Variants in UBA6 observed in about 807,000 individuals in gnomAD.
UBA6 encodes the protein ubiquitin-like modifier-activating enzyme 6.
In UBA6, 87 loss-of-function variants were observed where a neutral mutation model predicts 148.3. The observed-to-expected ratio is 0.59, with a 90% CI of 0.49 to 0.70. The LOEUF (loss-of-function observed/expected upper bound fraction) is 0.70. Ranked by LOEUF, UBA6 falls within the 30% of genes least tolerant of loss-of-function variation. UBA6 has a pLI of 0.00. For missense variants in UBA6, 1,186 were observed against 1,241.2 expected, an observed-to-expected ratio of 0.96 and a Z score of 0.67; for synonymous variants, 376 against 401.0, an observed-to-expected ratio of 0.94 and a Z score of 0.75.
At position 67,616,202 on chromosome 4, in the gene UBA6, A is replaced by C; in HGVS notation, c.*2795T>G. On this transcript the variant is annotated 3_prime_UTR_variant, in exon 33 of 33. Coordinates refer to ENST00000322244, the MANE Select transcript of UBA6 (RefSeq NM_018227.6). ...AAAGCATTCAGATTATATGTTTTTGAATCTATGAAAAGTAAAATCGCTAAA... is the reference window on the plus strand; with the variant it reads ...AAAGCATTCAGATTATATGTTTTTGCATCTATGAAAAGTAAAATCGCTAAA... 1 of 396,356 alleles carries C rather than the reference A, an allele frequency of 2.5e-6. No homozygotes were observed. Among genetic ancestry groups the C allele is most frequent in the Non-Finnish European group, 4.5e-6 (1 of 224,682 alleles). The allele number at this position is 396,356 out of a possible 1,614,324, so 24.6% of individuals were successfully genotyped here. A position where few individuals can be genotyped will look rare whatever the true frequency, so the allele number is the denominator to read the frequency against.
chr4:67,661,210 G>A (rs1729846939), intron 13 of UBA6, among the ~76,000 whole-genome samples: 1 of 152,148 alleles, frequency 6.6e-6, no homozygotes, highest in South Asian at 2.1e-4. Flanking sequence ...TTGGAAAGGT[G>A]TGACTGTGTT....
In UBA6 at chr4:67,634,395, T is replaced by C. The variant is rs377574187; in HGVS notation, c.1932+34A>G. 3.4e-4 allele frequency: 531 copies of C among 1,558,338 alleles called. No homozygotes were observed. The highest frequency in any genetic ancestry group is 4.4e-4 in the Non-Finnish European group (509 of 1,158,448). On this transcript the variant is annotated intron_variant, in intron 21 of 32. Coordinates refer to ENST00000322244, the MANE Select transcript of UBA6 (RefSeq NM_018227.6). ...AAGTCAGAAATATCTTCTTTCTCAC[T>C]TCAAAGAAAATAAATTTAAAAAGGA...
In UBA6 at chr4:67,639,177, A is replaced by G; in HGVS notation, c.1555-53T>C. 4 of 1,398,282 alleles carry G rather than the reference A, an allele frequency of 2.9e-6. No homozygotes were observed. The East Asian group carries it at 9.3e-5, about 32-fold the overall frequency. The allele number at this position is 1,398,282 out of a possible 1,614,324, so 86.6% of individuals were successfully genotyped here. On this transcript the variant is annotated intron_variant, in intron 18 of 32. Coordinates refer to ENST00000322244, the MANE Select transcript of UBA6 (RefSeq NM_018227.6). ...TATGTTAAACAACAAAAAAAGGACT[A>G]TGATTTTTCTATATATTCCAGAGTG...
chr4:67,663,708 C>T (rs1729920120), intron 11 of UBA6, 177 bp downstream of exon 11: 4 of 479,722 alleles, frequency 8.3e-6, no homozygotes, highest in Non-Finnish European at 1.5e-5. Context: ...GACAAATTCA[C>T]ATTTTTAATC....
Position 67,622,830 on chromosome 4 carries a change from C to G in UBA6, c.3023+1G>C. 6.2e-7 allele frequency: 1 copy of G among 1,603,718 alleles called. No homozygotes were observed. On this transcript the variant is annotated splice_donor_variant, in intron 32 of 32. Coordinates refer to ENST00000322244, the MANE Select transcript of UBA6 (RefSeq NM_018227.6). LOFTEE classifies it high-confidence loss of function. ...CGCTGCATATAATGTTGAATACTTA[C>G]GTTAACTTCAATCTTTTTGCATGAC...
Position 67,646,019 on chromosome 4 carries a change from GA to G in UBA6, c.1317-4del, listed in dbSNP as rs747303770. The G allele has an allele frequency of 5.2e-6, 8 of 1,536,796 alleles. No individual in the cohort carries two copies. The highest frequency in any genetic ancestry group is 2.5e-5 in the South Asian group (2 of 78,892). ...TTAAGGCATCATATCTATCTCCTCT[GA>G]AAAAAATAACATATACCAAAAAGCA... On this transcript the variant is annotated splice_region_variant and splice_polypyrimidine_tract_variant and intron_variant, in intron 15 of 32. Coordinates refer to ENST00000322244, the MANE Select transcript of UBA6 (RefSeq NM_018227.6).
chr4:67,698,616 C>T (rs1730896445), intron 1 of UBA6, among the ~76,000 whole-genome samples: 1 of 152,168 alleles, frequency 6.6e-6, no homozygotes, highest in Non-Finnish European at 1.5e-5. Context: ...GACTACCACA[C>T]ATACTGCCTA....
Position 67,634,421 on chromosome 4 carries a change from A to G in UBA6, c.1932+8T>C, listed in dbSNP as rs1264195258. The G allele has an allele frequency of 3.2e-6, 5 of 1,571,538 alleles. No individual in the cohort carries two copies. Among genetic ancestry groups the G allele is most frequent in the South Asian group, 1.2e-5 (1 of 82,376 alleles). The stretch of plus-strand genomic sequence containing the variant: ...TCAAAGAAAATAAATTTAAAAAGGA[A>G]CTTTTACCTTATCTCTTGCCCACTG... On this transcript the variant is annotated splice_region_variant and intron_variant, in intron 21 of 32. Transcript: ENST00000322244.
rs144115948 is a variant in UBA6 at position 67,623,169 on chromosome 4, T to C, written c.2894A>G (p.Asp965Gly). 1 of 1,613,036 alleles carries C rather than the reference T, an allele frequency of 6.2e-7. No homozygotes were observed. Among genetic ancestry groups the C allele is most frequent in the African/African-American group, 1.3e-5 (1 of 75,006 alleles). ...WDRWTVHGKE[D>G]FTLLDFINAV... ...ATTTATGAAATCCAAGAGGGTGAAATCTTCTTTTCCATGTACGGTCCATCG... is the reference window on the plus strand; with the variant it reads ...ATTTATGAAATCCAAGAGGGTGAAACCTTCTTTTCCATGTACGGTCCATCG... The change falls in exon 31 of 33, where the codon GAT becomes GGT. Residue 965 changes from aspartate to glycine, a missense_variant. Coordinates refer to ENST00000322244, the MANE Select transcript of UBA6 (RefSeq NM_018227.6).
intron 19 of UBA6, 94 bp from the exon 20 acceptor site, chr4:67,635,652 A>G: frequency 1.4e-6 from 1 of 711,240 alleles, no homozygotes; most frequent in Non-Finnish European, 2.5e-6. Context: ...CATTTCACAT[A>G]CTGATCACTT....
rs773915194 is a variant in UBA6 at position 67,670,573 on chromosome 4, T to C, written c.566A>G (p.His189Arg). ...ACAAAATAACCTTGACCAAATTCCATGTACATCTGCACTGATAAACTGTAA... is the reference window on the plus strand; with the variant it reads ...ACAAAATAACCTTGACCAAATTCCACGTACATCTGCACTGATAAACTGTAA... The part of the protein sequence containing the change: ...PPIKFISADV[H>R]GIWSRLFCDF... Residue 189 changes from histidine to arginine, a missense_variant, in exon 8 of 33, where the codon CAT (histidine) becomes CGT (arginine). By Grantham distance (29) the His-to-Arg change is conservative. Transcript: ENST00000322244. The C allele has an allele frequency of 6.8e-5, 109 of 1,611,796 alleles. No individual in the cohort carries two copies. Among genetic ancestry groups the C allele is most frequent in the Non-Finnish European group, 8.7e-5 (103 of 1,178,252 alleles).
chr4:67,619,150 G>C lies in UBA6; in HGVS notation c.3024-18C>G. The C allele has an allele frequency of 6.4e-7, 1 of 1,568,890 alleles. No homozygotes were observed. The highest frequency in any genetic ancestry group is 8.7e-7 in the Non-Finnish European group (1 of 1,145,638). ...TATGCATTCTAAGAAAAATAAGCAA[G>C]AATGAATACTTTGGTAAATTCTATA... is the stretch of plus-strand genomic sequence containing the variant. On this transcript the variant is annotated intron_variant, in intron 32 of 32. Transcript: ENST00000322244.
At chr4:67,675,476 A>G (rs1405112827) in intron 6 of UBA6, among the ~76,000 whole-genome samples, 1 of 152,198 alleles carries the variant, frequency 6.6e-6, no homozygotes, top group African/African-American at 2.4e-5. Flanking sequence ...CACACCTATA[A>G]TCCCAGCACT....
chr4:67,626,228 T>C (rs1577788828), intron 28 of UBA6, 132 bp downstream of exon 28: 2 of 649,298 alleles, frequency 3.1e-6, no homozygotes, highest in East Asian at 2.8e-5. Context: ...GACTTTAATA[T>C]GATCATGAAA....
chr4:67,639,400 A>G (rs1435883426), intron 18 of UBA6, among the ~76,000 whole-genome samples: 1 of 152,146 alleles, frequency 6.6e-6, no homozygotes, highest in East Asian at 1.9e-4. Context: ...TACAGTTCTT[A>G]AAAAAAGTTA....
Position 67,701,072 on chromosome 4 carries a change from G to C in UBA6, c.48C>G (p.Ser16=). 6.2e-7 allele frequency: 1 copy of C among 1,613,814 alleles called. No homozygotes were observed. The highest frequency in any genetic ancestry group is 8.5e-7 in the Non-Finnish European group (1 of 1,179,786). Residue 16 remains serine (S), a synonymous_variant, in exon 1 of 33, where the codon TCC becomes TCG. Transcript: ENST00000322244. ...ACCTGCCAGTCCCCCAGGAAGAACA[G>C]GACGCCTCTTCCCCCTGATGGGCGG... ...PVAAHQGEEA[S]CSSWGTGSTN...
At chr4:67,661,333 T>G (rs1450070052) in intron 13 of UBA6, among the ~76,000 whole-genome samples, 2 of 152,146 alleles carry the variant, frequency 1.3e-5, no homozygotes, top group African/African-American at 4.8e-5. Flanking sequence ...TTGCCACATG[T>G]CAAGGGCAGG....
At chr4:67,619,822 T>C (rs1728711979) in intron 32 of UBA6, among the ~76,000 whole-genome samples, 1 of 152,220 alleles carries the variant, frequency 6.6e-6, no homozygotes, top group Non-Finnish European at 1.5e-5. Flanking sequence ...CACTCTTTGC[T>C]ATAGCCACTA....
In UBA6 at chr4:67,665,339, T is replaced by C. The variant is rs111777096; in HGVS notation, c.794-47A>G. The stretch of plus-strand genomic sequence containing the variant: ...AAATCATTACACAGGGATATAGATA[T>C]TTAAATTTCAACTCTTATTGTCATA... On this transcript the variant is annotated intron_variant, in intron 9 of 32. Coordinates refer to ENST00000322244, the MANE Select transcript of UBA6 (RefSeq NM_018227.6). 628 of 1,175,484 alleles carry C rather than the reference T, an allele frequency of 5.3e-4. No homozygotes were observed. In the African/African-American group the frequency reaches 8.7e-3, roughly 16 times the overall value. 72.8% of individuals were successfully genotyped at this position (1,175,484 alleles called of 1,614,324 possible).
Sources: gnomAD v4.1 joint callset for allele counts (sites outside exome capture counted in the v4.1 genomes callset) on GRCh38, gnomAD v4.1.1 for gene constraint, MANE v1.5 for transcripts, NCBI Gene and HGNC (gene_info 2026-07-23, HGNC 2026-07-21) for gene names.